KCNIP4: variants seen among roughly 807,000 people sequenced by gnomAD.
The protein encoded by KCNIP4 is Kv channel-interacting protein 4.
In KCNIP4, 12 loss-of-function variants were observed where a neutral mutation model predicts 34.0. The ratio of observed to expected loss-of-function variants is 0.35; its 90% CI spans 0.23 to 0.57. KCNIP4 has a LOEUF of 0.57. KCNIP4 is among the 20% of genes least tolerant of loss of function. The pLI, the probability that KCNIP4 is intolerant of heterozygous loss-of-function variation, is 0.83. For missense variants in KCNIP4, 238 were observed against 311.7 expected, an observed-to-expected ratio of 0.76 and a Z score of 1.78; for synonymous variants, 124 against 102.2, an observed-to-expected ratio of 1.21 and a Z score of -1.29.
At position 21,823,910 on chromosome 4, in the gene KCNIP4, T is replaced by C. The variant is rs554506013; in HGVS notation, c.61+124661A>G. 4.6e-5 allele frequency among the ~76,000 whole-genome samples: 7 copies of C among 152,184 alleles called. No individual in the cohort carries two copies. In the East Asian group the frequency reaches 1.4e-3, roughly 29 times the overall value. On this transcript the variant is annotated intron_variant, in intron 1 of 8. Coordinates refer to ENST00000382152, the MANE Select transcript of KCNIP4 (RefSeq NM_025221.6). The stretch of plus-strand genomic sequence containing the variant: ...CTTTGCAGCTCCTCCCATTAAGAGG[T>C]GGAATGCATATCTATACCTCTGGGT...
rs59134256 is a variant in KCNIP4 at position 20,842,581 on chromosome 4, CAAAAAAAAAAAAAA to C, written c.288+7948_288+7961del. Among the ~76,000 whole-genome samples, 4 of 69,692 alleles carry C rather than the reference CAAAAAAAAAAAAAA, an allele frequency of 5.7e-5. No homozygotes were observed. In the East Asian group the frequency reaches 2.0e-3, roughly 35 times the overall value. 45.7% of individuals were successfully genotyped at this position (69,692 alleles called of 152,430 possible). On this transcript the variant is annotated intron_variant, in intron 3 of 8. Coordinates refer to ENST00000382152, the MANE Select transcript of KCNIP4 (RefSeq NM_025221.6). ...GGCAATTGAGTCTCTCTTCTAATGG[CAAAAAAAAAAAAAA>C]AAAAAAAAAAAAAAAGCCAGCAATT... is the stretch of plus-strand genomic sequence containing the variant.
At chr4:21,036,165 T>A (rs1560665403) in intron 1 of KCNIP4, among the ~76,000 whole-genome samples, 1 of 152,350 alleles carries the variant, frequency 6.6e-6, no homozygotes, top group South Asian at 2.1e-4. Flanking sequence ...AACATACTTA[T>A]GCTATGCCTT....
rs543916650 is a variant in KCNIP4, at chr4:21,143,714, T to G, written c.62-261005A>C. Among the ~76,000 whole-genome samples, 3 of 152,088 alleles carry G rather than the reference T, an allele frequency of 2.0e-5. No homozygotes were observed. The South Asian group carries it at 6.2e-4, about 32-fold the overall frequency. On this transcript the variant is annotated intron_variant, in intron 1 of 8. Coordinates refer to ENST00000382152, the MANE Select transcript of KCNIP4 (RefSeq NM_025221.6). Reference sequence around the variant, plus strand: ...AACCACAGCCATCACAGTTTCTTTTTTTTTTTTGAGATGGAGTCTCACTCT... The same window carrying G: ...AACCACAGCCATCACAGTTTCTTTTGTTTTTTTGAGATGGAGTCTCACTCT...
intron 1 of KCNIP4, among the ~76,000 whole-genome samples, chr4:21,625,983 A>G (rs888211026): frequency 2.0e-5 from 3 of 152,206 alleles, no homozygotes; most frequent in Non-Finnish European, 2.9e-5. Flanking sequence ...GATCTAGTAA[A>G]CAAAACTACA....
intron 1 of KCNIP4, among the ~76,000 whole-genome samples, chr4:21,442,670 G>A (rs1727594146): frequency 6.6e-6 from 1 of 152,064 alleles, no homozygotes; most frequent in Non-Finnish European, 1.5e-5. Flanking sequence ...ATATCCCTTT[G>A]CTGGTTCTTT....
At chr4:21,701,300 A>C (rs1712821000) in intron 1 of KCNIP4, among the ~76,000 whole-genome samples, 1 of 152,324 alleles carries the variant, frequency 6.6e-6, no homozygotes, top group African/African-American at 2.4e-5. Context: ...AAGGTTACAA[A>C]GTTTCAGCTA....
intron 3 of KCNIP4, among the ~76,000 whole-genome samples, chr4:20,775,754 C>T (rs1272393597): frequency 6.6e-6 from 1 of 151,978 alleles, no homozygotes; most frequent in Non-Finnish European, 1.5e-5. Flanking sequence ...ACAGTATATT[C>T]TTGCACATGG....
chr4:21,840,695 C>A (rs2109319835), intron 1 of KCNIP4, among the ~76,000 whole-genome samples: 1 of 152,244 alleles, frequency 6.6e-6, no homozygotes, highest in East Asian at 1.9e-4. Flanking sequence ...CTCTTAATAC[C>A]TTTTCACTAA....
At chr4:21,384,157 A>G (rs932748232) in intron 1 of KCNIP4, among the ~76,000 whole-genome samples, 11 of 151,932 alleles carry the variant, frequency 7.2e-5, no homozygotes, top group Non-Finnish European at 1.0e-4. Context: ...TCTCTAACTC[A>G]CCTGTCTAAA....
intron 1 of KCNIP4, among the ~76,000 whole-genome samples, chr4:21,938,996 A>C (rs367800869): frequency 2.0e-5 from 3 of 152,302 alleles, no homozygotes; most frequent in East Asian, 3.9e-4. Context: ...TACACAACAC[A>C]AATTACATTA....
At chr4:20,937,523 C>T (rs556549695) in intron 1 of KCNIP4, among the ~76,000 whole-genome samples, 26 of 151,960 alleles carry the variant, frequency 1.7e-4, no homozygotes, top group African/African-American at 5.8e-4. Flanking sequence ...CGTGAGCCAC[C>T]GTGCCTGGCC....
chr4:21,092,797 G>C (rs571439019), intron 1 of KCNIP4, among the ~76,000 whole-genome samples: 4 of 152,202 alleles, frequency 2.6e-5, no homozygotes, highest in Non-Finnish European at 5.9e-5. Flanking sequence ...AACTCCTCAA[G>C]AACTCACCGG....
intron 1 of KCNIP4, among the ~76,000 whole-genome samples, chr4:21,344,286 A>T (rs754713137): frequency 1.3e-5 from 2 of 152,156 alleles, no homozygotes; most frequent in Non-Finnish European, 2.9e-5. Flanking sequence ...CAAGGAGAAT[A>T]AAAGCTTCAT....
intron 1 of KCNIP4, among the ~76,000 whole-genome samples, chr4:21,113,253 A>T (rs1277243586): frequency 1.3e-5 from 2 of 152,158 alleles, no homozygotes; most frequent in Non-Finnish European, 2.9e-5. Context: ...TTCAAAAGTA[A>T]CAAAGAAAAT....
At chr4:21,255,612 CT>C (rs1229246904) in intron 1 of KCNIP4, among the ~76,000 whole-genome samples, 3 of 150,158 alleles carry the variant, frequency 2.0e-5, no homozygotes, top group African/African-American at 7.5e-5. Flanking sequence ...GTCCCTTAAA[CT>C]TTTCTGACCC....
intron 1 of KCNIP4, among the ~76,000 whole-genome samples, chr4:21,282,670 A>G (rs994597825): frequency 6.6e-6 from 1 of 152,194 alleles, no homozygotes; most frequent in African/African-American, 2.4e-5. Flanking sequence ...TAGGCAGAAA[A>G]TATAAGAAGA....
intron 1 of KCNIP4, among the ~76,000 whole-genome samples, chr4:20,886,595 T>TA (rs1009882232): frequency 6.6e-6 from 1 of 152,184 alleles, no homozygotes; most frequent in Non-Finnish European, 1.5e-5. Context: ...TGCAAGTTGT[T>TA]AGAGTTCTAG....
At chr4:21,405,943 C>T (rs1019481770) in intron 1 of KCNIP4, among the ~76,000 whole-genome samples, 1 of 152,240 alleles carries the variant, frequency 6.6e-6, no homozygotes, top group Non-Finnish European at 1.5e-5. Flanking sequence ...TCAAGCGATT[C>T]TCCTGCCTCA....
At chr4:21,546,296 T>C (rs1472146039) in intron 1 of KCNIP4, among the ~76,000 whole-genome samples, 1 of 152,118 alleles carries the variant, frequency 6.6e-6, no homozygotes, top group East Asian at 1.9e-4. Flanking sequence ...CTTAGAATTC[T>C]CACAGACTTT....
Sources: allele counts gnomAD v4.1 joint callset (sites outside exome capture counted in the v4.1 genomes callset), GRCh38; gene constraint gnomAD v4.1.1; transcripts MANE v1.5; gene names NCBI Gene and HGNC (gene_info 2026-07-23, HGNC 2026-07-21).